The following SGCG variants were observed in gnomAD, a reference collection of about 807,000 sequenced individuals.
The protein encoded by SGCG is gamma-sarcoglycan.
A neutral mutation model predicts 29.3 loss-of-function variants in SGCG; 26 were observed. That is an observed-to-expected ratio of 0.89 (90% confidence interval 0.65 to 1.23). The LOEUF is 1.23. SGCG is among the 50% of genes most tolerant of loss of function. The pLI, the probability that SGCG is intolerant of heterozygous loss-of-function variation, is 0.00. For synonymous variants in SGCG, 145 were observed against 129.7 expected (o/e 1.12, Z -0.80); for missense variants, 353 against 356.0 (o/e 0.99, Z 0.07).
chr13:23,316,278 A>G (rs1272232549), intron 6 of SGCG, among the ~76,000 whole-genome samples: 5 of 152,184 alleles, frequency 3.3e-5, no homozygotes, highest in Non-Finnish European at 1.5e-5. Context: ...GGGTTTGCCT[A>G]TCCTGCATGC....
intron 3 of SGCG, among the ~76,000 whole-genome samples, chr13:23,247,510 A>C (rs1248733984): frequency 1.3e-5 from 2 of 152,132 alleles, no homozygotes; most frequent in Non-Finnish European, 2.9e-5. Flanking sequence ...TCCCAATCTA[A>C]ATCCCTGTCC....
intron 2 of SGCG, 108 bp downstream of exon 2, chr13:23,203,997 T>G (rs1877881146): frequency 1.2e-6 from 1 of 868,090 alleles, no homozygotes. Context: ...TTCATTTCTT[T>G]GCTGTCTGGC....
Position 23,299,445 on chromosome 13 carries a change from TATATATA to T in SGCG, c.578+3959_578+3965del, listed in dbSNP as rs1386405813. Among the ~76,000 whole-genome samples the T allele has an allele frequency of 4.7e-3, 116 of 24,744 alleles. 11 individuals carry two copies. The highest frequency in any genetic ancestry group is 0.014 in the African/African-American group (99 of 7,134). The allele number at this position is 24,744 out of a possible 152,430, so 16.2% of individuals were successfully genotyped here. A position where few individuals can be genotyped will look rare whatever the true frequency, so the allele number is the denominator to read the frequency against. On this transcript the variant is annotated intron_variant, in intron 6 of 7. Coordinates refer to ENST00000218867, the MANE Select transcript of SGCG (RefSeq NM_000231.3). ...ATATATATATATATATATATATATA[TATATATA>T]TATATTTTTTTTTTTTTTTTAGTCG...
chr13:23,285,137 G>A (rs1487294194), intron 5 of SGCG, among the ~76,000 whole-genome samples: 7 of 152,206 alleles, frequency 4.6e-5, no homozygotes, highest in East Asian at 3.9e-4. Flanking sequence ...CTCAAGCGCT[G>A]TGCTGGGAGA....
At position 23,289,307 on chromosome 13, in the gene SGCG, T is replaced by A. The variant is rs114058134; in HGVS notation, c.506-6108T>A. ...CTGGAAGGACATGTATTATCTCACA[T>A]AGGAAGGCTGGGGAAAGGGTAACTC... On this transcript the variant is annotated intron_variant, in intron 5 of 7. Coordinates refer to ENST00000218867, the MANE Select transcript of SGCG (RefSeq NM_000231.3). Among the ~76,000 whole-genome samples the A allele has an allele frequency of 8.2e-3, 1,242 of 152,276 alleles. 19 individuals are homozygous for A. Among genetic ancestry groups the A allele is most frequent in the African/African-American group, 0.028 (1,152 of 41,574 alleles).
intron 1 of SGCG, among the ~76,000 whole-genome samples, chr13:23,190,696 A>G (rs999948499): frequency 6.6e-6 from 1 of 152,190 alleles, no homozygotes; most frequent in African/African-American, 2.4e-5. Flanking sequence ...AATTCTTGTA[A>G]TTGACCCACT....
intron 3 of SGCG, among the ~76,000 whole-genome samples, chr13:23,239,164 T>C (rs1879415882): frequency 6.6e-6 from 1 of 152,076 alleles, no homozygotes; most frequent in Non-Finnish European, 1.5e-5. Context: ...ACAAGGTACA[T>C]TGTAATTAAA....
intron 4 of SGCG, among the ~76,000 whole-genome samples, chr13:23,277,884 G>C (rs10467595): frequency 5.9e-5 from 9 of 151,900 alleles, no homozygotes; most frequent in Non-Finnish European, 1.0e-4. Flanking sequence ...ATTTTTAGTA[G>C]AGACTGGGTT....
At chr13:23,212,037 T>A (rs887385219) in intron 2 of SGCG, among the ~76,000 whole-genome samples, 1 of 152,102 alleles carries the variant, frequency 6.6e-6, no homozygotes, top group African/African-American at 2.4e-5. Flanking sequence ...TGGTTGAGTG[T>A]GTAGCATCTC....
chr13:23,288,105 CT>C (rs1188663750), intron 5 of SGCG, among the ~76,000 whole-genome samples: 1 of 152,170 alleles, frequency 6.6e-6, no homozygotes, highest in East Asian at 1.9e-4. Context: ...CCCATTAAAA[CT>C]TTTCTCCACT....
chr13:23,259,213 A>G (rs1449674434), intron 4 of SGCG, among the ~76,000 whole-genome samples: 1 of 152,084 alleles, frequency 6.6e-6, no homozygotes, highest in East Asian at 1.9e-4. Context: ...TATTGCCTCA[A>G]TTTCAGCGCC....
At chr13:23,208,541 GCTGAGC>G (rs1878070352) in intron 2 of SGCG, among the ~76,000 whole-genome samples, 1 of 152,074 alleles carries the variant, frequency 6.6e-6, no homozygotes, top group African/African-American at 2.4e-5. Context: ...TTCAGATAAG[GCTGAGC>G]CTGGTTTTAT....
intron 6 of SGCG, among the ~76,000 whole-genome samples, chr13:23,302,374 G>C (rs1287453538): frequency 6.6e-6 from 1 of 151,924 alleles, no homozygotes; most frequent in African/African-American, 2.4e-5. Context: ...TATAGCTGTA[G>C]TCACCCTACA....
At chr13:23,243,159 A>G (rs1277022226) in intron 3 of SGCG, among the ~76,000 whole-genome samples, 2 of 152,216 alleles carry the variant, frequency 1.3e-5, no homozygotes, top group Admixed American at 1.3e-4. Context: ...GTGAACACAG[A>G]ATACCCAGCT....
chr13:23,224,097 G>T (rs1475457056), intron 2 of SGCG, among the ~76,000 whole-genome samples: 2 of 152,196 alleles, frequency 1.3e-5, no homozygotes, highest in Non-Finnish European at 2.9e-5. Flanking sequence ...GTATGTGACT[G>T]GAACAGTAGG....
At chr13:23,251,656 G>A (rs1317378481) in intron 4 of SGCG, among the ~76,000 whole-genome samples, 1 of 152,048 alleles carries the variant, frequency 6.6e-6, no homozygotes, top group African/African-American at 2.4e-5. Flanking sequence ...GTCTGTAGTC[G>A]CAGCTACTGG....
At chr13:23,291,904 C>T (rs1443731109) in intron 5 of SGCG, among the ~76,000 whole-genome samples, 1 of 152,080 alleles carries the variant, frequency 6.6e-6, no homozygotes, top group African/African-American at 2.4e-5. Flanking sequence ...GGGCATGTAG[C>T]ACCTTTTTCA....
chr13:23,208,359 G>C (rs940859256), intron 2 of SGCG, among the ~76,000 whole-genome samples: 1 of 152,068 alleles, frequency 6.6e-6, no homozygotes, highest in East Asian at 1.9e-4. Flanking sequence ...ATGTTTCACT[G>C]TAGAAAACAG....
intron 2 of SGCG, among the ~76,000 whole-genome samples, chr13:23,208,488 G>A (rs1454684148): frequency 6.6e-6 from 1 of 152,102 alleles, no homozygotes; most frequent in Admixed American, 6.5e-5. Context: ...ATTTAAAAGA[G>A]AGAAGACTAG....
Sources: allele counts gnomAD v4.1 joint callset (sites outside exome capture counted in the v4.1 genomes callset), GRCh38; gene constraint gnomAD v4.1.1; transcripts MANE v1.5; gene names NCBI Gene and HGNC (gene_info 2026-07-23, HGNC 2026-07-21).